The following SLC30A8 variants were observed in gnomAD, a reference collection of about 807,000 sequenced individuals.
SLC30A8 encodes solute carrier family 30 member 8, also known as proton-coupled zinc antiporter SLC30A8.
In SLC30A8, 27 loss-of-function variants were observed where a neutral mutation model predicts 36.9. The ratio of observed to expected loss-of-function variants is 0.73; its 90% confidence interval spans 0.54 to 1.01. The LOEUF is 1.01. SLC30A8 is among the 50% of genes least tolerant of loss of function. The pLI, the probability that SLC30A8 is intolerant of heterozygous loss-of-function variation, is 0.00. For synonymous variants in SLC30A8, 164 were observed against 172.4 expected (o/e 0.95, Z 0.38); for missense variants, 439 against 452.0 (o/e 0.97, Z 0.26).
chr8:117,049,013 A>G (rs564594141), intron 2 of SLC30A8, among the ~76,000 whole-genome samples: 9 of 152,306 alleles, frequency 5.9e-5, no homozygotes, highest in African/African-American at 2.2e-4. Flanking sequence ...AGCTTTCTGA[A>G]GCATATATCT....
chr8:117,036,885 C>G lies in SLC30A8; in HGVS notation c.-265-2334C>G, dbSNP rs952066828. On this transcript the variant is annotated intron_variant, in intron 1 of 10. Coordinates refer to the SLC30A8 transcript ENST00000427715. ...CTGGAATTTGAGCCTAGTTGGGCTCCAAGGCCTTGATACTTTCTGATAAAT... is the reference window on the plus strand; with the variant it reads ...CTGGAATTTGAGCCTAGTTGGGCTCGAAGGCCTTGATACTTTCTGATAAAT... 3.9e-5 allele frequency among the ~76,000 whole-genome samples: 6 copies of G among 152,144 alleles called. No individual in the cohort carries two copies. In the South Asian group the frequency reaches 1.2e-3, roughly 32 times the overall value.
chr8:117,125,722 C>A (rs1820875239), intron 2 of SLC30A8, among the ~76,000 whole-genome samples: 1 of 151,886 alleles, frequency 6.6e-6, no homozygotes, highest in African/African-American at 2.4e-5. Context: ...TAGTTTTGCA[C>A]CAATGAGAAA....
intron 1 of SLC30A8, among the ~76,000 whole-genome samples, chr8:116,984,709 G>A (rs973788545): frequency 6.6e-6 from 1 of 151,906 alleles, no homozygotes; most frequent in Non-Finnish European, 1.5e-5. Context: ...TAACTGCCGA[G>A]TTTTGAGAGC....
intron 1 of SLC30A8, among the ~76,000 whole-genome samples, chr8:117,137,103 T>A (rs1302711962): frequency 6.6e-6 from 1 of 151,930 alleles, no homozygotes; most frequent in African/African-American, 2.4e-5. Context: ...GTTAATTTAG[T>A]GTTCCCCTTC....
At chr8:117,097,636 T>C (rs1819467070) in intron 2 of SLC30A8, among the ~76,000 whole-genome samples, 1 of 86,430 alleles carries the variant, frequency 1.2e-5, no homozygotes, top group African/African-American at 6.0e-5. Context: ...TTATATATAA[T>C]ATATAATTTT....
At chr8:117,132,752 G>C (rs950348487), upstream of SLC30A8, among the ~76,000 whole-genome samples, 2 of 152,020 alleles carry the variant, frequency 1.3e-5, no homozygotes, top group African/African-American at 4.8e-5. Flanking sequence ...CAAAATATTT[G>C]AGAGAGGGAA....
At chr8:116,969,357 G>A (rs1231534632) in intron 1 of SLC30A8, among the ~76,000 whole-genome samples, 1 of 152,198 alleles carries the variant, frequency 6.6e-6, no homozygotes, top group African/African-American at 2.4e-5. Context: ...GGTGGAGGTT[G>A]CAGTGAGTCC....
At chr8:117,022,183 G>C (rs546237701) in intron 1 of SLC30A8, among the ~76,000 whole-genome samples, 2 of 141,388 alleles carry the variant, frequency 1.4e-5, no homozygotes, top group Non-Finnish European at 3.0e-5. Flanking sequence ...CTGGGCAAAA[G>C]AGCAAGACTC....
intron 1 of SLC30A8, among the ~76,000 whole-genome samples, chr8:116,966,104 G>A (rs757236448): frequency 1.2e-4 from 18 of 151,906 alleles, no homozygotes; most frequent in Non-Finnish European, 2.1e-4. Flanking sequence ...GGCTGGTCTC[G>A]AACTCCTGAC....
At chr8:117,070,923 C>G (rs755228817) in intron 2 of SLC30A8, among the ~76,000 whole-genome samples, 5 of 152,064 alleles carry the variant, frequency 3.3e-5, no homozygotes, top group Non-Finnish European at 7.4e-5. Flanking sequence ...ATATATATCA[C>G]TTTTTCTTTA....
At chr8:116,965,081 C>T (rs1419848182) in intron 1 of SLC30A8, among the ~76,000 whole-genome samples, 10 of 152,122 alleles carry the variant, frequency 6.6e-5, no homozygotes, top group Non-Finnish European at 1.0e-4. Context: ...AGATTACAGG[C>T]GTGCACCATC....
At chr8:116,958,728 A>G (rs1181960610) in intron 1 of SLC30A8, among the ~76,000 whole-genome samples, 2 of 151,514 alleles carry the variant, frequency 1.3e-5, no homozygotes, top group African/African-American at 4.9e-5. Context: ...TTTGTAAACA[A>G]TTTTATCATC....
chr8:116,952,175 G>A (rs909896748), intron 1 of SLC30A8, among the ~76,000 whole-genome samples: 1 of 152,180 alleles, frequency 6.6e-6, no homozygotes, highest in African/African-American at 2.4e-5. Context: ...TATAGTTGGT[G>A]CTTAGAAGAA....
At chr8:117,161,650 A>G in intron 4 of SLC30A8, 88 bp from the exon 5 acceptor site, 2 of 1,277,334 alleles carry the variant, frequency 1.6e-6, no homozygotes, top group Non-Finnish European at 2.2e-6. Context: ...ATTTTGGATA[A>G]TGCATGTTAT....
chr8:117,151,074 A>C (rs1345282252), intron 2 of SLC30A8, among the ~76,000 whole-genome samples: 7 of 151,964 alleles, frequency 4.6e-5, no homozygotes, highest in African/African-American at 1.7e-4. Context: ...TTTTCCTCCA[A>C]CATTCCATAC....
chr8:117,062,694 G>A (rs1818056529), intron 2 of SLC30A8, among the ~76,000 whole-genome samples: 1 of 152,198 alleles, frequency 6.6e-6, no homozygotes, highest in Non-Finnish European at 1.5e-5. Flanking sequence ...TAGGGCTGGG[G>A]TCAGAAGTAG....
At chr8:116,961,487 A>G (rs1814421619) in intron 1 of SLC30A8, among the ~76,000 whole-genome samples, 1 of 152,026 alleles carries the variant, frequency 6.6e-6, no homozygotes, top group Non-Finnish European at 1.5e-5. Flanking sequence ...ATGCAATGTA[A>G]AAACAGAATA....
chr8:117,071,252 T>C (rs903908798), intron 2 of SLC30A8, among the ~76,000 whole-genome samples: 1 of 152,208 alleles, frequency 6.6e-6, no homozygotes. Context: ...CTAACAGGTC[T>C]GAGGTGGTAT....
chr8:117,137,042 G>A (rs1051319718), intron 1 of SLC30A8, among the ~76,000 whole-genome samples: 2 of 151,946 alleles, frequency 1.3e-5, no homozygotes, highest in African/African-American at 4.8e-5. Context: ...TTTCTTGAGG[G>A]CAGATGGCTA....
Sources: gnomAD v4.1 joint callset for allele counts (sites outside exome capture counted in the v4.1 genomes callset) on GRCh38, gnomAD v4.1.1 for gene constraint, MANE v1.5 for transcripts, NCBI Gene and HGNC (gene_info 2026-07-23, HGNC 2026-07-21) for gene names.